ZFHX3: variants seen among roughly 807,000 people sequenced by gnomAD.
ZFHX3 encodes the protein zinc finger homeobox protein 3.
In ZFHX3, 42 loss-of-function variants were observed where a neutral mutation model predicts 279.1. The ratio of observed to expected loss-of-function variants is 0.15; its 90% CI spans 0.12 to 0.19. ZFHX3 has a LOEUF of 0.19. ZFHX3 is among the 10% of genes least tolerant of loss of function. The pLI is 1.00. For synonymous variants in ZFHX3, 2,293 were observed against 1,957.8 expected, an observed-to-expected ratio of 1.17 and a Z score of -4.52; for missense variants, 4,981 against 4,754.0, an observed-to-expected ratio of 1.05 and a Z score of -1.40.
At chr16:73,698,999 C>A (rs1044160230) in intron 1 of ZFHX3, among the ~76,000 whole-genome samples, 6 of 152,146 alleles carry the variant, frequency 3.9e-5, no homozygotes, top group African/African-American at 1.4e-4. Context: ...ATTCTCCTGC[C>A]TCAGCCTCCC....
intron 4 of ZFHX3, among the ~76,000 whole-genome samples, chr16:72,854,939 G>GGC: frequency 5.3e-5 from 1 of 18,878 alleles, no homozygotes; most frequent in Admixed American, 7.4e-4. Context: ...ATTGGTGGGT[G>GGC]GGGGGGGGGT....
intron 1 of ZFHX3, among the ~76,000 whole-genome samples, chr16:73,887,435 T>A (rs2030383308): frequency 6.6e-6 from 1 of 152,204 alleles, no homozygotes; most frequent in Non-Finnish European, 1.5e-5. Context: ...TTTCTATACA[T>A]GTTCTATAAA....
At chr16:72,954,683 G>T (rs182943800) in intron 2 of ZFHX3, among the ~76,000 whole-genome samples, 10 of 152,318 alleles carry the variant, frequency 6.6e-5, no homozygotes, top group Admixed American at 6.5e-4. Flanking sequence ...CTAAACTTCA[G>T]AGTCGAAAGG....
intron 1 of ZFHX3, among the ~76,000 whole-genome samples, chr16:73,854,112 C>T (rs328308): frequency 0.012 from 1,828 of 152,248 alleles, 42 homozygotes; most frequent in African/African-American, 0.04. Context: ...AGATATTTTC[C>T]TTTATCTCCA....
intron 2 of ZFHX3, among the ~76,000 whole-genome samples, chr16:73,582,046 T>A (rs541069115): frequency 1.3e-5 from 2 of 151,976 alleles, no homozygotes; most frequent in Non-Finnish European, 2.9e-5. Flanking sequence ...CAAGTTTCCA[T>A]TGAAATAACT....
intron 3 of ZFHX3, among the ~76,000 whole-genome samples, chr16:73,351,747 A>G (rs1306688387): frequency 2.6e-5 from 4 of 152,244 alleles, no homozygotes; most frequent in African/African-American, 9.6e-5. Flanking sequence ...CCTTCTTGGC[A>G]GCACGGTTTC....
chr16:73,191,313 C>A (rs921563243), intron 5 of ZFHX3, among the ~76,000 whole-genome samples: 32 of 152,284 alleles, frequency 2.1e-4, no homozygotes, highest in African/African-American at 7.5e-4. Flanking sequence ...CCGGCCGCCC[C>A]AGCACAGGTC....
Position 73,417,399 on chromosome 16 carries a change from T to TTC in ZFHX3, c.-1291+38603_-1291+38604insGA, listed in dbSNP as rs1331787968. ...AAGAAAAGGAATTTTTTCTTTTCTTTTTTTTTTTTTTTTTTGGAGACAGGG... is the reference window on the plus strand; with the variant it reads ...AAGAAAAGGAATTTTTTCTTTTCTTTTCTTTTTTTTTTTTTTTGGAGACAGGG... On this transcript the variant is annotated intron_variant, in intron 3 of 17. Transcript: ENST00000641206. Among the ~76,000 whole-genome samples the TTC allele has an allele frequency of 2.8e-3, 417 of 146,358 alleles. 7 individuals are homozygous for TTC. Among genetic ancestry groups the TTC allele is most frequent in the Non-Finnish European group, 1.4e-3 (90 of 66,606 alleles).
intron 1 of ZFHX3, among the ~76,000 whole-genome samples, chr16:73,002,476 G>A (rs1405930965): frequency 6.6e-6 from 1 of 152,088 alleles, no homozygotes; most frequent in African/African-American, 2.4e-5. Flanking sequence ...TGCCCACCCA[G>A]CTTATGCTGA....
At chr16:73,544,105 T>C (rs2020068138) in intron 2 of ZFHX3, 1 of 152,214 alleles carries the variant, frequency 6.6e-6, no homozygotes. Context: ...GGAGCTGACA[T>C]TCATTCAAAG....
At chr16:73,618,865 C>T (rs1283390990) in intron 2 of ZFHX3, among the ~76,000 whole-genome samples, 7 of 152,088 alleles carry the variant, frequency 4.6e-5, no homozygotes, top group African/African-American at 2.4e-5. Context: ...TTTAGAAAAT[C>T]GCACTTTTGA....
chr16:72,940,677 C>T (rs1960369331), intron 3 of ZFHX3, among the ~76,000 whole-genome samples: 1 of 152,224 alleles, frequency 6.6e-6, no homozygotes, highest in African/African-American at 2.4e-5. Flanking sequence ...TCAGCAACCC[C>T]AGTGCACAGG....
At chr16:73,662,128 T>C (rs1260442503) in intron 2 of ZFHX3, among the ~76,000 whole-genome samples, 1 of 152,142 alleles carries the variant, frequency 6.6e-6, no homozygotes. Flanking sequence ...CATGCATTAT[T>C]ATGTGAAAGA....
At chr16:72,842,841 GAAATT>G (rs1238850378) in intron 4 of ZFHX3, among the ~76,000 whole-genome samples, 1 of 152,142 alleles carries the variant, frequency 6.6e-6, no homozygotes, top group Non-Finnish European at 1.5e-5. Flanking sequence ...CAGGAGAATG[GAAATT>G]AAGACAGAAA....
chr16:72,835,305 G>C (rs550092113), intron 4 of ZFHX3, among the ~76,000 whole-genome samples: 24 of 152,248 alleles, frequency 1.6e-4, no homozygotes, highest in African/African-American at 5.8e-4. Flanking sequence ...TGACAGGCGA[G>C]ATGTGCACAG....
At chr16:73,268,608 C>A (rs550053159) in intron 4 of ZFHX3, among the ~76,000 whole-genome samples, 1 of 152,228 alleles carries the variant, frequency 6.6e-6, no homozygotes, top group African/African-American at 2.4e-5. Flanking sequence ...ATGCCTTGTG[C>A]TCTGTGCTAA....
At chr16:72,847,419 C>T (rs1319005037) in intron 4 of ZFHX3, among the ~76,000 whole-genome samples, 1 of 152,128 alleles carries the variant, frequency 6.6e-6, no homozygotes, top group Non-Finnish European at 1.5e-5. Flanking sequence ...ATTAGTTCTG[C>T]AGGCTGCATC....
At chr16:73,063,170 C>A (rs1965707499), upstream of ZFHX3, among the ~76,000 whole-genome samples, 1 of 152,192 alleles carries the variant, frequency 6.6e-6, no homozygotes. Flanking sequence ...CCGCCACCGG[C>A]GGCCTCTGCG....
At chr16:73,337,378 G>T (rs2015934207) in intron 3 of ZFHX3, among the ~76,000 whole-genome samples, 1 of 152,138 alleles carries the variant, frequency 6.6e-6, no homozygotes, top group Non-Finnish European at 1.5e-5. Context: ...GGCCCCTTCA[G>T]TGGTGAGCTT....
Sources: allele counts gnomAD v4.1 joint callset (sites outside exome capture counted in the v4.1 genomes callset), GRCh38; gene constraint gnomAD v4.1.1; transcripts MANE v1.5; gene names NCBI Gene and HGNC (gene_info 2026-07-23, HGNC 2026-07-21).